ZNF385D: variants seen among roughly 807,000 people sequenced by gnomAD.
The protein encoded by ZNF385D is zinc finger protein 385D.
Under a neutral mutation model 35.8 loss-of-function variants are expected in ZNF385D, and 15 were observed. That is an observed-to-expected ratio of 0.42 (90% CI 0.28 to 0.64). The LOEUF (loss-of-function observed/expected upper bound fraction) is 0.64. Ranked by LOEUF, ZNF385D falls within the 30% of genes least tolerant of loss-of-function variation. The pLI, the probability that ZNF385D is intolerant of heterozygous loss-of-function variation, is 0.23. For synonymous variants in ZNF385D, 212 were observed against 186.8 expected (o/e 1.13, Z -1.10); for missense variants, 474 against 494.6 (o/e 0.96, Z 0.39).
intron 2 of ZNF385D, among the ~76,000 whole-genome samples, chr3:22,338,911 G>A (rs1303671763): frequency 1.3e-5 from 2 of 151,858 alleles, no homozygotes; most frequent in African/African-American, 4.8e-5. Flanking sequence ...ATGTTGGCCA[G>A]GCTCGTCTCG....
At chr3:22,372,499 T>G in exon 2 of ZNF385D, 1 of 985,272 alleles carries the variant, frequency 1.0e-6, no homozygotes, top group Non-Finnish European at 1.2e-6. Flanking sequence ...CTCTCCTTCC[T>G]CCCACCGAGC....
rs535788893 is a variant in ZNF385D, at chr3:21,456,655, C to T, written c.440-19452G>A. The stretch of plus-strand genomic sequence containing the variant: ...AATGTAAATGACAAGTTAATGGGTG[C>T]AGTACACCAACATGTCACATGTATA... On this transcript the variant is annotated intron_variant, in intron 4 of 7. Transcript: ENST00000281523. Among the ~76,000 whole-genome samples the T allele has an allele frequency of 2.7e-3, 410 of 152,180 alleles. 1 individual carries two copies. The highest frequency in any genetic ancestry group is 5.2e-3 in the Non-Finnish European group (353 of 68,002).
intron 2 of ZNF385D, among the ~76,000 whole-genome samples, chr3:21,650,561 A>T (rs2065881740): frequency 1.3e-5 from 2 of 152,174 alleles, no homozygotes; most frequent in Non-Finnish European, 2.9e-5. Context: ...TTTATTTTTT[A>T]AAACAAATTT....
chr3:21,670,272 A>G (rs1260321255), intron 1 of ZNF385D, among the ~76,000 whole-genome samples: 1 of 151,718 alleles, frequency 6.6e-6, no homozygotes, highest in Admixed American at 6.6e-5. Context: ...ATTAAAATAT[A>G]TATGCACTTA....
At chr3:21,567,648 C>T (rs147505920) in intron 2 of ZNF385D, among the ~76,000 whole-genome samples, 1 of 152,074 alleles carries the variant, frequency 6.6e-6, no homozygotes, top group African/African-American at 2.4e-5. Context: ...ACATTCTGTG[C>T]ACAAACGGGA....
At chr3:22,199,648 A>G (rs575704403) in intron 2 of ZNF385D, among the ~76,000 whole-genome samples, 1 of 152,172 alleles carries the variant, frequency 6.6e-6, no homozygotes, top group African/African-American at 2.4e-5. Context: ...AAGATTTCTT[A>G]TCGTTAGCCT....
At chr3:22,250,314 G>A (rs538316530) in intron 2 of ZNF385D, among the ~76,000 whole-genome samples, 8 of 151,914 alleles carry the variant, frequency 5.3e-5, no homozygotes, top group Admixed American at 5.3e-4. Context: ...ATTTTGATGG[G>A]AATAATAAGA....
intron 3 of ZNF385D, among the ~76,000 whole-genome samples, chr3:21,851,280 A>G (rs1268686289): frequency 6.6e-6 from 1 of 152,082 alleles, no homozygotes; most frequent in Admixed American, 6.6e-5. Context: ...AACTACAGGC[A>G]TACCTTGGAG....
intron 3 of ZNF385D, among the ~76,000 whole-genome samples, chr3:22,091,349 G>C (rs1280874829): frequency 6.6e-6 from 1 of 152,184 alleles, no homozygotes; most frequent in Non-Finnish European, 1.5e-5. Flanking sequence ...TACTGTAGGG[G>C]ATTCTGCCAT....
intron 2 of ZNF385D, among the ~76,000 whole-genome samples, chr3:21,641,787 G>A (rs2065614302): frequency 6.6e-6 from 1 of 151,864 alleles, no homozygotes; most frequent in Non-Finnish European, 1.5e-5. Flanking sequence ...CAGATAGTGA[G>A]TGTAAAAGAG....
intron 3 of ZNF385D, among the ~76,000 whole-genome samples, chr3:21,527,420 C>A (rs1469577952): frequency 2.0e-5 from 3 of 152,078 alleles, no homozygotes; most frequent in Non-Finnish European, 2.9e-5. Context: ...TATTTATATA[C>A]CCAACATAAT....
chr3:22,181,836 G>A (rs1375762616), intron 2 of ZNF385D, among the ~76,000 whole-genome samples: 1 of 152,018 alleles, frequency 6.6e-6, no homozygotes, highest in Non-Finnish European at 1.5e-5. Flanking sequence ...GCTTTTTCAT[G>A]TTGTCTTACA....
intron 3 of ZNF385D, among the ~76,000 whole-genome samples, chr3:22,010,211 G>A (rs1450191327): frequency 6.6e-6 from 1 of 152,202 alleles, no homozygotes; most frequent in Non-Finnish European, 1.5e-5. Context: ...AACAGGATGA[G>A]CATGAAAGGC....
chr3:21,933,706 G>A (rs1420662758), intron 3 of ZNF385D, among the ~76,000 whole-genome samples: 1 of 152,108 alleles, frequency 6.6e-6, no homozygotes, highest in Non-Finnish European at 1.5e-5. Context: ...TGACTCTACC[G>A]TTGAGTCTTC....
At chr3:22,171,241 A>G (rs1694402168) in intron 2 of ZNF385D, among the ~76,000 whole-genome samples, 1 of 152,234 alleles carries the variant, frequency 6.6e-6, no homozygotes, top group Non-Finnish European at 1.5e-5. Context: ...CCCTTGTAAC[A>G]CATCATTTTT....
At chr3:21,524,962 C>A (rs7637649) in intron 3 of ZNF385D, among the ~76,000 whole-genome samples, 85,951 of 149,012 alleles carry the variant, frequency 0.58, 24,759 homozygotes, top group East Asian at 0.72. Context: ...ACATAGAATT[C>A]TTTTTCTCTC....
chr3:22,275,833 C>T (rs1176308372), intron 2 of ZNF385D, among the ~76,000 whole-genome samples: 1 of 152,102 alleles, frequency 6.6e-6, no homozygotes, highest in Non-Finnish European at 1.5e-5. Context: ...GCCTGTAATC[C>T]CTGCACTTTG....
intron 2 of ZNF385D, among the ~76,000 whole-genome samples, chr3:22,317,016 C>T (rs1331469856): frequency 6.6e-6 from 1 of 151,548 alleles, no homozygotes; most frequent in African/African-American, 2.4e-5. Context: ...AGTGACTCAC[C>T]CCTGAAATCC....
intron 2 of ZNF385D, among the ~76,000 whole-genome samples, chr3:22,274,486 G>A (rs1364513290): frequency 6.6e-6 from 1 of 151,896 alleles, no homozygotes; most frequent in Non-Finnish European, 1.5e-5. Context: ...AGGAAGCATG[G>A]ATAATTCGAC....
Sources: allele counts gnomAD v4.1 joint callset (sites outside exome capture counted in the v4.1 genomes callset), GRCh38; gene constraint gnomAD v4.1.1; transcripts MANE v1.5; gene names NCBI Gene and HGNC (gene_info 2026-07-23, HGNC 2026-07-21).